The following ZNF48 variants were observed in gnomAD, a reference collection of about 807,000 sequenced individuals.
The protein encoded by ZNF48 is zinc finger protein 553.
A neutral mutation model predicts 40.0 loss-of-function variants in ZNF48; 20 were observed. The ratio of observed to expected loss-of-function variants is 0.50; its 90% CI spans 0.35 to 0.73. The LOEUF (loss-of-function observed/expected upper bound fraction) is 0.73, where lower values mean the gene tolerates loss of function less well. Ranked by LOEUF, ZNF48 falls within the 30% of genes least tolerant of loss-of-function variation. The probability of loss-of-function intolerance (pLI) is 0.01; values close to 1 mark genes in which losing one functional copy is unlikely to be tolerated. For missense variants in ZNF48, 726 were observed against 851.9 expected (o/e 0.85, Z 1.84); for synonymous variants, 298 against 329.7 (o/e 0.90, Z 1.04).
intron 1 of ZNF48, chr16:30,379,039 G>A: frequency 6.2e-7 from 1 of 1,613,396 alleles, no homozygotes; most frequent in Non-Finnish European, 8.5e-7. Flanking sequence ...TCGATCGCGA[G>A]CCCCAGGCCG....
At chr16:30,390,315 C>T (rs1185202165) in intron 1 of ZNF48, among the ~76,000 whole-genome samples, 1 of 152,090 alleles carries the variant, frequency 6.6e-6, no homozygotes, top group Non-Finnish European at 1.5e-5. Flanking sequence ...CCATTTATAC[C>T]CTCTTCTATT....
chr16:30,385,999 C>A (rs774348221), intron 1 of ZNF48, among the ~76,000 whole-genome samples: 3 of 151,792 alleles, frequency 2.0e-5, no homozygotes, highest in Non-Finnish European at 2.9e-5. Flanking sequence ...ACATGTAGGC[C>A]AGGCAGTGGC....
At chr16:30,396,660 G>C (rs1407755279) in intron 2 of ZNF48, among the ~76,000 whole-genome samples, 1 of 149,816 alleles carries the variant, frequency 6.7e-6, no homozygotes, top group Admixed American at 6.7e-5. Flanking sequence ...GTGTCAGAGA[G>C]ACCTTAGTTA....
chr16:30,396,953 A>T (rs899652158), intron 2 of ZNF48, among the ~76,000 whole-genome samples: 3 of 151,872 alleles, frequency 2.0e-5, no homozygotes, highest in African/African-American at 7.3e-5. Flanking sequence ...CGGCCTCCCA[A>T]AGTGCTAGGA....
intron 1 of ZNF48, among the ~76,000 whole-genome samples, chr16:30,389,453 A>C: frequency 6.6e-6 from 1 of 150,834 alleles, no homozygotes; most frequent in East Asian, 1.9e-4. Context: ...CGCGCCTGTA[A>C]TCCCAGCTAC....
rs867197165 is a variant in ZNF48, at chr16:30,399,007, G to A, written c.1757G>A (p.Arg586His). Residue 586 changes from arginine (R) to histidine (H), a missense_variant, in exon 3 of 3, where the codon CGC becomes CAC. Coordinates refer to ENST00000613509, the MANE Select transcript of ZNF48 (RefSeq NM_001214909.2). ...AAGGGTTTTGGTGACAGTTCTGCCC[G>A]CATCAAGCACCAGCGTGGGCACCTG... ...CGKGFGDSSARIKHQRGHLVL... is the reference protein window; with the variant it reads ...CGKGFGDSSAHIKHQRGHLVL... 1.9e-6 allele frequency: 3 copies of A among 1,613,906 alleles called. No individual in the cohort carries two copies. The highest frequency in any genetic ancestry group is 1.1e-5 in the South Asian group (1 of 91,076).
At chr16:30,379,439 C>T in intron 1 of ZNF48, 1 of 1,613,712 alleles carries the variant, frequency 6.2e-7, no homozygotes, top group Non-Finnish European at 8.5e-7. Flanking sequence ...ACTCACCCTC[C>T]ACGGTCCCCC....
At chr16:30,388,662 G>C (rs1475789721) in intron 1 of ZNF48, among the ~76,000 whole-genome samples, 2 of 152,042 alleles carry the variant, frequency 1.3e-5, no homozygotes, top group Non-Finnish European at 2.9e-5. Flanking sequence ...ATCAACGTGG[G>C]TGGATCACCT....
chr16:30,385,641 A>T (rs2049895432), intron 1 of ZNF48, among the ~76,000 whole-genome samples: 3 of 151,862 alleles, frequency 2.0e-5, no homozygotes, highest in South Asian at 4.1e-4. Flanking sequence ...AGGAAAAAAA[A>T]CTTTCTGAAC....
upstream of ZNF48, among the ~76,000 whole-genome samples, chr16:30,393,913 C>T (rs1031546150): frequency 4.6e-5 from 7 of 151,522 alleles, no homozygotes; most frequent in South Asian, 2.1e-4. Flanking sequence ...GAGACAAGGT[C>T]CACTTTTTTG....
At position 30,398,817 on chromosome 16, in the gene ZNF48, C is replaced by T. The variant is rs2050021783; in HGVS notation, c.1567C>T (p.Pro523Ser). The T allele has an allele frequency of 6.2e-7, 1 of 1,613,782 alleles. No homozygotes were observed. ...TLLRPHNPPGPVPMAPRPRVR... is the reference protein window; with the variant it reads ...TLLRPHNPPGSVPMAPRPRVR... ...GCTGCGGCCACATAACCCACCTGGC[C>T]CAGTACCCATGGCCCCTCGACCCCG... Residue 523 changes from proline to serine, a missense_variant, in exon 3 of 3, where the codon CCA (proline) becomes TCA (serine). Physicochemically the swap from Pro to Ser is moderately conservative, Grantham distance 74. Transcript: ENST00000613509. The surrounding 1 kb of genome is among the most constrained non-coding windows in gnomAD (Gnocchi z 6.6).
upstream of ZNF48, chr16:30,395,370 C>T (rs1340404580): frequency 2.2e-6 from 1 of 451,376 alleles, no homozygotes; most frequent in Non-Finnish European, 4.4e-6. The surrounding 1 kb of genome is among the most constrained non-coding windows in gnomAD (Gnocchi z 5.9). Context: ...CCCGCAGCTC[C>T]TCCAAGGTCC....
In ZNF48 at chr16:30,382,746, C is replaced by T; in HGVS notation, c.-16+4336C>T. On this transcript the variant is annotated intron_variant, in intron 1 of 2. Transcript: ENST00000528032. This position sits in a 1 kb window ranked among gnomAD's most constrained non-coding sequence, Gnocchi z 4.8. ...ACCTGTCTACGTACCTTCAACCCTCCATCCTTCACACATCTGGATTCCAAG... is the reference window on the plus strand; with the variant it reads ...ACCTGTCTACGTACCTTCAACCCTCTATCCTTCACACATCTGGATTCCAAG... The T allele has an allele frequency of 6.5e-7, 1 of 1,536,246 alleles. No homozygotes were observed. The highest frequency in any genetic ancestry group is 2.4e-5 in the East Asian group (1 of 40,918).
intron 2 of ZNF48, chr16:30,396,081 A>T (rs1037678794): frequency 2.2e-6 from 1 of 463,222 alleles, no homozygotes; most frequent in Non-Finnish European, 3.8e-6. Context: ...GGCCTTCCTC[A>T]TCCTTACTGC....
At chr16:30,392,191 T>A (rs2049948048), upstream of ZNF48, among the ~76,000 whole-genome samples, 1 of 151,948 alleles carries the variant, frequency 6.6e-6, no homozygotes, top group Non-Finnish European at 1.5e-5. Context: ...CCCATCTAAT[T>A]TTTTTGTATT....
chr16:30,385,272 C>T (rs1306121492), intron 1 of ZNF48, among the ~76,000 whole-genome samples: 1 of 151,778 alleles, frequency 6.6e-6, no homozygotes, highest in African/African-American at 2.4e-5. Context: ...TCTCAGCACT[C>T]CACCACCGGC....
Position 30,395,615 on chromosome 16 carries a change from G to A in ZNF48, c.-16+37G>A, listed in dbSNP as rs1187738867. 1 of 296,306 alleles carries A rather than the reference G, an allele frequency of 3.4e-6. No homozygotes were observed. Among genetic ancestry groups the A allele is most frequent in the Non-Finnish European group, 5.5e-6 (1 of 181,426 alleles). 18.4% of individuals were successfully genotyped at this position (296,306 alleles called of 1,614,324 possible). ...GGCTGCGCGCTGGGAGGAGCAGCAG[G>A]TGCAGGGGCGGCCGGCGGCGCGGGC... On this transcript the variant is annotated intron_variant, in intron 1 of 2. Coordinates refer to ENST00000613509, the MANE Select transcript of ZNF48 (RefSeq NM_001214909.2). This position sits in a 1 kb window ranked among gnomAD's most constrained non-coding sequence, Gnocchi z 5.9.
rs1430855200 is a variant in ZNF48, at chr16:30,381,086, G to T, written c.-16+2676G>T. 4 of 1,466,532 alleles carry T rather than the reference G, an allele frequency of 2.7e-6. No individual in the cohort carries two copies. The highest frequency in any genetic ancestry group is 2.9e-6 in the Non-Finnish European group (3 of 1,045,258). 90.8% of individuals were successfully genotyped at this position (1,466,532 alleles called of 1,614,324 possible). ...AGAAGTCTAAGCTGAAATCAGGTTT[G>T]GCTTCACATGGGGTCAAAGGTCAGA... On this transcript the variant is annotated intron_variant, in intron 1 of 2. Coordinates refer to the ZNF48 transcript ENST00000528032. This position sits in a 1 kb window ranked among gnomAD's most constrained non-coding sequence, Gnocchi z 4.3.
intron 1 of ZNF48, chr16:30,379,626 T>G: frequency 8.7e-6 from 5 of 575,104 alleles, no homozygotes; most frequent in Non-Finnish European, 1.5e-5. Context: ...CTCCTCTGCT[T>G]CCTGCCCCTT....
Sources: gnomAD v4.1 joint callset for allele counts (sites outside exome capture counted in the v4.1 genomes callset) on GRCh38, gnomAD v4.1.1 for gene constraint, Gnocchi (gnomAD v3.1) non-coding constraint, MANE v1.5 for transcripts, NCBI Gene and HGNC (gene_info 2026-07-23, HGNC 2026-07-21) for gene names.